PPP6R2: variants seen among roughly 807,000 people sequenced by gnomAD.
PPP6R2 encodes the protein protein phosphatase 6 regulatory subunit 2, also known as serine/threonine-protein phosphatase 6 regulatory subunit 2.
In PPP6R2, 62 loss-of-function variants were observed where a neutral mutation model predicts 100.2. That is an observed-to-expected ratio of 0.62 (90% CI 0.50 to 0.76). The LOEUF (loss-of-function observed/expected upper bound fraction) is 0.76. PPP6R2 is among the 30% of genes least tolerant of loss of function. PPP6R2 has a pLI of 0.00. For synonymous variants in PPP6R2, 525 were observed against 514.7 expected (o/e 1.02, Z -0.27); for missense variants, 1,142 against 1,276.3 (o/e 0.89, Z 1.60).
intron 2 of PPP6R2, among the ~76,000 whole-genome samples, chr22:50,375,124 A>T (rs1323051603): frequency 6.6e-6 from 1 of 152,114 alleles, no homozygotes; most frequent in Non-Finnish European, 1.5e-5. Flanking sequence ...CGACGAGAGC[A>T]TGTATGTTTT....
At chr22:50,357,955 A>G (rs779314212) in intron 1 of PPP6R2, among the ~76,000 whole-genome samples, 17 of 151,578 alleles carry the variant, frequency 1.1e-4, no homozygotes, top group Admixed American at 2.0e-4. Flanking sequence ...TAAATTTTTT[A>G]AATTTTAATT....
Position 50,431,332 on chromosome 22 carries a change from G to A in PPP6R2, c.1285G>A (p.Glu429Lys), listed in dbSNP as rs148637820. The part of the protein sequence containing the change: ...PPHENGNRSL[E>K]TPQPAASLPD... The stretch of plus-strand genomic sequence containing the variant: ...GCATGAGAACGGGAACCGGAGCCTG[G>A]AGACTCCCCAGCCGGCCGCCAGCCT... Residue 429 changes from glutamate (E) to lysine (K), a missense_variant, in exon 11 of 24, where the codon GAG (glutamate) becomes AAG (lysine). Coordinates refer to ENST00000612753, the MANE Select transcript of PPP6R2 (RefSeq NM_001242898.2). The surrounding 1 kb of genome is among the most constrained non-coding windows in gnomAD (Gnocchi z 4.8). 349 of 1,613,090 alleles carry A rather than the reference G, an allele frequency of 2.2e-4. No homozygotes were observed. The highest frequency in any genetic ancestry group is 5.0e-4 in the Middle Eastern group (3 of 6,040).
At position 50,393,937 on chromosome 22, in the gene PPP6R2, C is replaced by T. The variant is rs140304979; in HGVS notation, c.29C>T (p.Thr10Met). Residue 10 changes from threonine (T) to methionine (M), a missense_variant, in exon 3 of 24, where the codon ACG becomes ATG. Transcript: ENST00000612753. ...TTCTGGAAGTTTGACTTGAACACCA[C>T]GTCCCATGTTGACAAGCTGCTGGAC... Reference protein sequence around the residue: MFWKFDLNTTSHVDKLLDKE... With the variant: MFWKFDLNTMSHVDKLLDKE... 8.1e-6 allele frequency: 13 copies of T among 1,614,202 alleles called. No individual in the cohort carries two copies. Among genetic ancestry groups the T allele is most frequent in the Middle Eastern group, 1.6e-4 (1 of 6,062 alleles).
At chr22:50,422,650 A>G (rs2061487755) in intron 9 of PPP6R2, among the ~76,000 whole-genome samples, 1 of 152,140 alleles carries the variant, frequency 6.6e-6, no homozygotes, top group Admixed American at 6.5e-5. Flanking sequence ...AGTTGGGGGC[A>G]CCTAGCTAAG....
chr22:50,383,150 G>T (rs6520146), intron 2 of PPP6R2, among the ~76,000 whole-genome samples: 137,863 of 152,210 alleles, frequency 0.91, 62,637 homozygotes, highest in East Asian at 1. Flanking sequence ...ATTTAGAAAT[G>T]ATATGAAAAT....
intron 12 of PPP6R2, 145 bp downstream of exon 12, chr22:50,432,474 G>A: frequency 1.3e-6 from 1 of 779,602 alleles, no homozygotes; most frequent in South Asian, 1.7e-5. Context: ...ACGTTCTGGG[G>A]CTGCTGTGCA....
intron 1 of PPP6R2, among the ~76,000 whole-genome samples, chr22:50,371,659 G>A (rs2050240942): frequency 6.7e-6 from 1 of 149,786 alleles, no homozygotes; most frequent in Admixed American, 6.7e-5. Context: ...TTTTTTTTGA[G>A]ATGGGGTCAG....
At chr22:50,371,431 A>G (rs2050180987) in intron 1 of PPP6R2, among the ~76,000 whole-genome samples, 1 of 152,098 alleles carries the variant, frequency 6.6e-6, no homozygotes, top group Non-Finnish European at 1.5e-5. Flanking sequence ...GCTGGTTAGT[A>G]GTGGGACTGG....
At chr22:50,352,744 A>C (rs1003639303) in intron 1 of PPP6R2, among the ~76,000 whole-genome samples, 23 of 131,578 alleles carry the variant, frequency 1.7e-4, no homozygotes, top group Non-Finnish European at 2.7e-4. Flanking sequence ...CAAAAACAAA[A>C]AAAAAAAACA....
At chr22:50,443,717 G>A in intron 22 of PPP6R2, 149 bp from the exon 23 acceptor site, 2 of 1,157,374 alleles carry the variant, frequency 1.7e-6, no homozygotes, top group East Asian at 2.6e-5. Flanking sequence ...GCACAACCTG[G>A]GCCACCCCAC....
chr22:50,432,462 C>T (rs2063337761), intron 12 of PPP6R2, 133 bp downstream of exon 12: 1 of 847,468 alleles, frequency 1.2e-6, no homozygotes. Flanking sequence ...CGACGTGGCT[C>T]CACGTTCTGG....
At position 50,394,040 on chromosome 22, in the gene PPP6R2, G is replaced by A; in HGVS notation, c.132G>A (p.Leu44=). 6.2e-7 allele frequency: 1 copy of A among 1,614,218 alleles called. No individual in the cohort carries two copies. The highest frequency in any genetic ancestry group is 8.5e-7 in the Non-Finnish European group (1 of 1,180,038). Residue 44 remains leucine (L), a synonymous_variant, in exon 3 of 24, where the codon CTG becomes CTA. Coordinates refer to ENST00000612753, the MANE Select transcript of PPP6R2 (RefSeq NM_001242898.2). ...AGTGTAAGGCTCAGAACCAGAAGCT[G>A]CTGGACTTCCTGTGCAGGCAGCAGT... ...LQECKAQNQK[L]LDFLCRQQCM... is the part of the protein sequence containing the mutation.
At chr22:50,350,014 A>T (rs2044674814) in intron 1 of PPP6R2, among the ~76,000 whole-genome samples, 1 of 151,804 alleles carries the variant, frequency 6.6e-6, no homozygotes, top group African/African-American at 2.4e-5. Flanking sequence ...GCTATTCGGG[A>T]GCCTGAGGCA....
intron 1 of PPP6R2, among the ~76,000 whole-genome samples, chr22:50,357,021 C>G (rs1186426694): frequency 6.6e-6 from 1 of 152,048 alleles, no homozygotes; most frequent in African/African-American, 2.4e-5. Context: ...GTGAGAATTC[C>G]TTTCTCCTTG....
At chr22:50,401,111 T>G (rs1017861261) in intron 3 of PPP6R2, among the ~76,000 whole-genome samples, 1 of 152,218 alleles carries the variant, frequency 6.6e-6, no homozygotes, top group Non-Finnish European at 1.5e-5. Flanking sequence ...TTGCCCAGTC[T>G]GGACTCAAAC....
At chr22:50,364,072 T>C (rs2048292138) in intron 1 of PPP6R2, among the ~76,000 whole-genome samples, 1 of 151,986 alleles carries the variant, frequency 6.6e-6, no homozygotes, top group African/African-American at 2.4e-5. Context: ...TTTTTTTGTA[T>C]TTTTAGTAGA....
chr22:50,367,474 G>A lies in PPP6R2; in HGVS notation c.-147-4546G>A, dbSNP rs187277479. On this transcript the variant is annotated intron_variant, in intron 1 of 23. Transcript: ENST00000612753. ...GCTGTGATGTTGCCGGGGGAGCAGTGGGCAGAGGATGAGGGGTGGATGCTT... is the reference window on the plus strand; with the variant it reads ...GCTGTGATGTTGCCGGGGGAGCAGTAGGCAGAGGATGAGGGGTGGATGCTT... Among the ~76,000 whole-genome samples, 25 of 152,194 alleles carry A rather than the reference G, an allele frequency of 1.6e-4. No homozygotes were observed. The South Asian group carries it at 1.9e-3, about 11-fold the overall frequency.
intron 22 of PPP6R2, 26 bp downstream of exon 22, chr22:50,441,052 C>T (rs2065471073): frequency 2.0e-6 from 3 of 1,507,826 alleles, no homozygotes; most frequent in Non-Finnish European, 1.8e-6. Flanking sequence ...CGGGGGCGGG[C>T]CTGCCGGGTG....
chr22:50,430,892 G>T (rs957686094), intron 10 of PPP6R2, among the ~76,000 whole-genome samples: 2 of 121,540 alleles, frequency 1.6e-5, no homozygotes, highest in East Asian at 3.2e-4. Context: ...AAAAAAAAAA[G>T]AATAAACCCG....
Sources: gnomAD v4.1 joint callset for allele counts (sites outside exome capture counted in the v4.1 genomes callset) on GRCh38, gnomAD v4.1.1 for gene constraint, Gnocchi (gnomAD v3.1) non-coding constraint, MANE v1.5 for transcripts, NCBI Gene and HGNC (gene_info 2026-07-23, HGNC 2026-07-21) for gene names.